The following POGLUT1 variants were observed in gnomAD, a reference collection of about 807,000 sequenced individuals.
POGLUT1 encodes the protein 9630046K23Rik.
A neutral mutation model predicts 61.3 loss-of-function variants in POGLUT1; 32 were observed. The observed-to-expected ratio is 0.52, with a 90% confidence interval of 0.39 to 0.70. The LOEUF is 0.70. Ranked by LOEUF, POGLUT1 falls within the 30% of genes least tolerant of loss-of-function variation. The probability of loss-of-function intolerance (pLI) is 0.00; values close to 1 mark genes in which losing one functional copy is unlikely to be tolerated. For missense variants in POGLUT1, 411 were observed against 469.8 expected (o/e 0.87, Z 1.16); for synonymous variants, 158 against 158.2 (o/e 1.00, Z 0.01).
At chr3:119,482,085 T>C (rs1475401840) in intron 5 of POGLUT1, among the ~76,000 whole-genome samples, 1 of 152,164 alleles carries the variant, frequency 6.6e-6, no homozygotes, top group Non-Finnish European at 1.5e-5. Flanking sequence ...GTTTTAAACT[T>C]TTTTTTCCCT....
chr3:119,472,798 A>C (rs559876559), intron 3 of POGLUT1, among the ~76,000 whole-genome samples: 1 of 152,364 alleles, frequency 6.6e-6, no homozygotes, highest in South Asian at 2.1e-4. Context: ...CGGGAAGTCA[A>C]TGCACGCAGA....
intron 3 of POGLUT1, 33 bp from the exon 4 acceptor site, chr3:119,477,280 C>G: frequency 6.2e-7 from 1 of 1,611,610 alleles, no homozygotes; most frequent in Non-Finnish European, 8.5e-7. Context: ...GCAGGCACTA[C>G]TCTGCTGAAT....
intron 7 of POGLUT1, chr3:119,488,210 G>C (rs1043170011): frequency 6.6e-6 from 1 of 152,162 alleles, no homozygotes; most frequent in African/African-American, 2.4e-5. Context: ...TAGAACAAAA[G>C]TTGTTAGCAT....
rs978546301 is a variant in POGLUT1 at position 119,494,132 on chromosome 3, A to G, written c.*1694A>G. 6.6e-6 allele frequency: 1 copy of G among 152,174 alleles called. No individual in the cohort carries two copies. Among genetic ancestry groups the G allele is most frequent in the African/African-American group, 2.4e-5 (1 of 41,438 alleles). 9.4% of individuals were successfully genotyped at this position (152,174 alleles called of 1,614,324 possible). A position where few individuals can be genotyped will look rare whatever the true frequency, so the allele number is the denominator to read the frequency against. On this transcript the variant is annotated 3_prime_UTR_variant, in exon 11 of 11. Coordinates refer to ENST00000295588, the MANE Select transcript of POGLUT1 (RefSeq NM_152305.3). Reference sequence around the variant, plus strand: ...TTCCTCCAGGCAGTAAGGGGCTACCATAGTACTTTGTTTATGCCTGTATTA... The same window carrying G: ...TTCCTCCAGGCAGTAAGGGGCTACCGTAGTACTTTGTTTATGCCTGTATTA...
At chr3:119,485,273 A>G (rs2081652072) in intron 5 of POGLUT1, 55 bp from the exon 6 acceptor site, 1 of 1,087,674 alleles carries the variant, frequency 9.2e-7, no homozygotes, top group African/African-American at 1.6e-5. Flanking sequence ...GTTAAAGCAC[A>G]TTCTTATATA....
chr3:119,492,364 T>C lies in POGLUT1; in HGVS notation c.1105T>C (p.Phe369Leu), dbSNP rs1032533684. 28 of 1,609,168 alleles carry C rather than the reference T, an allele frequency of 1.7e-5. No homozygotes were observed. Among genetic ancestry groups the C allele is most frequent in the Non-Finnish European group, 2.4e-5 (28 of 1,176,112 alleles). ...WENLLSEYSK[F>L]LSYNVTRRKG... ...GAACCTCTTGAGTGAATACTCTAAA[T>C]TCCTGTCTTATAATGTAACGAGAAG... The change falls in exon 11 of 11, where the codon TTC becomes CTC. Residue 369 changes from phenylalanine (F) to leucine (L), a missense_variant. By Grantham distance (22) the Phe-to-Leu change is conservative. Transcript: ENST00000295588.
At chr3:119,481,942 A>T (rs144054099) in intron 5 of POGLUT1, among the ~76,000 whole-genome samples, 1 of 152,068 alleles carries the variant, frequency 6.6e-6, no homozygotes, top group Non-Finnish European at 1.5e-5. Context: ...GTTTTTTAAA[A>T]TTTTTTGTAG....
In POGLUT1 at chr3:119,469,312, C is replaced by G. The variant is rs2081438182; in HGVS notation, c.85+206C>G. On this transcript the variant is annotated intron_variant, in intron 1 of 10. Transcript: ENST00000295588. ...CTGGACCCTGGAGAGTAACCCATTC[C>G]CCGGAATTCAGAATGACAGGGAGGA... 3 of 590,694 alleles carry G rather than the reference C, an allele frequency of 5.1e-6. No individual in the cohort carries two copies. The Admixed American group carries it at 9.2e-5, about 18-fold the overall frequency. 36.6% of individuals were successfully genotyped at this position (590,694 alleles called of 1,614,324 possible).
rs2081527360 is a variant in POGLUT1, at chr3:119,475,759, CTG to C, written c.321-1553_321-1552del. ...AACCCGAGGTGGAGGTTGCAGTCAGCTGAGATTGCGCCATTGCACTCCAGCCT... is the reference window on the plus strand; with the variant it reads ...AACCCGAGGTGGAGGTTGCAGTCAGCAGATTGCGCCATTGCACTCCAGCCT... On this transcript the variant is annotated intron_variant, in intron 3 of 10. Transcript: ENST00000295588. Among the ~76,000 whole-genome samples the C allele has an allele frequency of 8.0e-5, 12 of 150,338 alleles. No homozygotes were observed. In the Admixed American group the frequency reaches 8.0e-4, roughly 10 times the overall value.
At position 119,480,111 on chromosome 3, in the gene POGLUT1, G is replaced by C; in HGVS notation, c.517G>C (p.Val173Leu). 2 of 1,613,062 alleles carry C rather than the reference G, an allele frequency of 1.2e-6. No homozygotes were observed. Among genetic ancestry groups the C allele is most frequent in the Non-Finnish European group, 1.7e-6 (2 of 1,179,546 alleles). Residue 173 changes from valine (V) to leucine (L), a missense_variant, in exon 5 of 11, where the codon GTT becomes CTT. By Grantham distance (32) the Val-to-Leu change is conservative (BLOSUM62 1). Transcript: ENST00000295588. Reference protein sequence around the residue: ...AWTFWEGGPAVWPIYPTGLGR... With the variant: ...AWTFWEGGPALWPIYPTGLGR... ...GACATTTTGGGAAGGGGGACCTGCT[G>C]TTTGGCCAATTTATCCTACAGGTCT...
At chr3:119,488,792 T>G (rs780781340) in intron 7 of POGLUT1, 137 bp from the exon 8 acceptor site, 4 of 456,692 alleles carry the variant, frequency 8.8e-6, no homozygotes, top group African/African-American at 3.9e-5. Context: ...ATAATGGGAA[T>G]AATAATGTCT....
chr3:119,491,158 CTG>C (rs1423176866), intron 9 of POGLUT1, among the ~76,000 whole-genome samples: 2 of 147,888 alleles, frequency 1.4e-5, no homozygotes, highest in Admixed American at 6.8e-5. Context: ...ATGGTGATAT[CTG>C]TGTATATATA....
At chr3:119,471,642 C>G (rs1157560366) in intron 3 of POGLUT1, 190 bp downstream of exon 3, 1 of 567,626 alleles carries the variant, frequency 1.8e-6, no homozygotes, top group Non-Finnish European at 3.2e-6. Flanking sequence ...AAGCCTGTCT[C>G]CTCTGTGAGG....
rs1297475805 is a variant in POGLUT1, at chr3:119,485,360, AC to A, written c.612del (p.Ser205LeufsTer41). On this transcript the variant is annotated frameshift_variant, in exon 6 of 11. Coordinates refer to ENST00000295588, the MANE Select transcript of POGLUT1 (RefSeq NM_152305.3). LOFTEE classifies it high-confidence loss of function. ...GCACAGTGGCCATGGAAAAAGAAAAACTCTACAGCATATTTCCGAGGATCAA... is the reference window on the plus strand; with the variant it reads ...GCACAGTGGCCATGGAAAAAGAAAAATCTACAGCATATTTCCGAGGATCAA... ...SAAQWPWKKK[N>X]STAYFRGSRT... 1 of 1,608,536 alleles carries A rather than the reference AC, an allele frequency of 6.2e-7. No individual in the cohort carries two copies. The highest frequency in any genetic ancestry group is 1.3e-5 in the African/African-American group (1 of 74,888).
intron 5 of POGLUT1, among the ~76,000 whole-genome samples, chr3:119,482,974 TAGG>T (rs1392928623): frequency 6.6e-6 from 1 of 152,140 alleles, no homozygotes; most frequent in African/African-American, 2.4e-5. Context: ...ATGGGTAGGT[TAGG>T]AGAATGAAAG....
At chr3:119,475,991 CACAAACACAT>C (rs58171475) in intron 3 of POGLUT1, among the ~76,000 whole-genome samples, 13,892 of 95,204 alleles carry the variant, frequency 0.15, 2,034 homozygotes, top group African/African-American at 0.38. Context: ...CACACACACA[CACAAACACAT>C]ACAGAGTTGC....
At chr3:119,492,056 A>AG (rs1560040668) in intron 10 of POGLUT1, among the ~76,000 whole-genome samples, 2 of 142,940 alleles carry the variant, frequency 1.4e-5, no homozygotes, top group African/African-American at 5.0e-5. Context: ...CTCCGTCTCA[A>AG]AAAATAAATA....
At chr3:119,471,967 G>A (rs1335851201) in intron 3 of POGLUT1, among the ~76,000 whole-genome samples, 1 of 152,066 alleles carries the variant, frequency 6.6e-6, no homozygotes, top group Admixed American at 6.6e-5. Flanking sequence ...TCCGGCAGTG[G>A]CAAATAATAC....
At chr3:119,477,133 A>G (rs537526997) in intron 3 of POGLUT1, among the ~76,000 whole-genome samples, 180 bp from the exon 4 acceptor site, 1 of 152,378 alleles carries the variant, frequency 6.6e-6, no homozygotes, top group East Asian at 1.9e-4. Flanking sequence ...GAACTTGCAC[A>G]ATACAAAAAA....
Sources: allele counts gnomAD v4.1 joint callset (sites outside exome capture counted in the v4.1 genomes callset), GRCh38; gene constraint gnomAD v4.1.1; transcripts MANE v1.5; gene names NCBI Gene and HGNC (gene_info 2026-07-23, HGNC 2026-07-21).